Variants in VWC2 observed in about 807,000 individuals in gnomAD.
The protein encoded by VWC2 is brorin.
In VWC2, 14 loss-of-function variants were observed where a neutral mutation model predicts 29.8. The observed-to-expected ratio is 0.47, with a 90% CI of 0.31 to 0.74. The LOEUF (loss-of-function observed/expected upper bound fraction) is 0.74, where lower values mean the gene tolerates loss of function less well. Ranked by LOEUF, VWC2 falls within the 30% of genes least tolerant of loss-of-function variation. The pLI is 0.05. For synonymous variants in VWC2, 213 were observed against 199.0 expected (o/e 1.07, Z -0.59); for missense variants, 457 against 459.8 (o/e 0.99, Z 0.05).
intron 3 of VWC2, among the ~76,000 whole-genome samples, chr7:49,895,606 T>G (rs1166306534): frequency 6.6e-6 from 1 of 152,208 alleles, no homozygotes; most frequent in African/African-American, 2.4e-5. Context: ...AACCAGAGCA[T>G]CCTTTAACTG....
intron 3 of VWC2, among the ~76,000 whole-genome samples, chr7:49,900,321 C>A (rs1792646898): frequency 6.6e-6 from 1 of 151,310 alleles, no homozygotes; most frequent in Admixed American, 6.6e-5. Flanking sequence ...ATAAATGGAG[C>A]AGTAATCTAT....
At chr7:49,844,197 G>A (rs561589903) in intron 3 of VWC2, among the ~76,000 whole-genome samples, 32 of 152,318 alleles carry the variant, frequency 2.1e-4, no homozygotes, top group African/African-American at 5.1e-4. Flanking sequence ...CAGAGTGGAC[G>A]TCATGCATGC....
At position 49,916,493 on chromosome 7, in the gene VWC2, ATAG is replaced by A. The variant is rs1226790636; in HGVS notation, c.*4311_*4313del. 2.0e-5 allele frequency: 3 copies of A among 152,182 alleles called. No homozygotes were observed. The highest frequency in any genetic ancestry group is 2.9e-5 in the Non-Finnish European group (2 of 68,034). 9.4% of individuals were successfully genotyped at this position (152,182 alleles called of 1,614,324 possible). ...AGAATTGTCACTCTATGTCCCAGTA[ATAG>A]TACTAATTTGGTTTCTTATTTTAAC... On this transcript the variant is annotated 3_prime_UTR_variant, in exon 4 of 4. Coordinates refer to ENST00000340652, the MANE Select transcript of VWC2 (RefSeq NM_198570.5).
chr7:49,835,717 T>C (rs1789641158), intron 3 of VWC2, among the ~76,000 whole-genome samples: 1 of 152,224 alleles, frequency 6.6e-6, no homozygotes, highest in Non-Finnish European at 1.5e-5. Context: ...CCACGTGCAC[T>C]TTAGGGTTTG....
chr7:49,810,419 A>T (rs754639519), intron 3 of VWC2, among the ~76,000 whole-genome samples: 43 of 152,260 alleles, frequency 2.8e-4, no homozygotes, highest in African/African-American at 1.0e-3. Flanking sequence ...GAGACATTTC[A>T]TGAGTAGAAG....
intron 2 of VWC2, among the ~76,000 whole-genome samples, chr7:49,788,854 G>A (rs1432587897): frequency 6.8e-6 from 1 of 146,330 alleles, no homozygotes; most frequent in Non-Finnish European, 1.5e-5. Flanking sequence ...GTGAGCATGT[G>A]TGTGAGCGTG....
chr7:49,847,432 C>A (rs145336929), intron 3 of VWC2, among the ~76,000 whole-genome samples: 1 of 152,012 alleles, frequency 6.6e-6, no homozygotes, highest in Non-Finnish European at 1.5e-5. Flanking sequence ...CAGAGCCTTG[C>A]AGGGATCCCT....
intron 3 of VWC2, among the ~76,000 whole-genome samples, chr7:49,815,838 C>T (rs935002051): frequency 6.6e-6 from 1 of 152,166 alleles, no homozygotes; most frequent in African/African-American, 2.4e-5. Context: ...CAAAGTCCTT[C>T]ATTAATTCAT....
intron 3 of VWC2, among the ~76,000 whole-genome samples, chr7:49,860,549 T>C (rs1451183627): frequency 6.6e-6 from 1 of 152,254 alleles, no homozygotes; most frequent in Non-Finnish European, 1.5e-5. Flanking sequence ...CTGTGAATAA[T>C]GCTGCAGTGA....
At chr7:49,896,486 A>G (rs973257183) in intron 3 of VWC2, among the ~76,000 whole-genome samples, 1 of 152,202 alleles carries the variant, frequency 6.6e-6, no homozygotes, top group Non-Finnish European at 1.5e-5. Context: ...AAGAAACTTG[A>G]AAAAGCAAAG....
intron 3 of VWC2, among the ~76,000 whole-genome samples, chr7:49,892,031 ATTTTTTTTTTTTTTTTTT>A (rs536880676): frequency 7.5e-5 from 4 of 53,204 alleles, no homozygotes; most frequent in East Asian, 6.8e-4. Context: ...GACAAAGTAG[ATTTTTTTTTTTTTTTTTT>A]TTTTTTTTTT....
chr7:49,834,705 G>A (rs575587832), intron 3 of VWC2, among the ~76,000 whole-genome samples: 3 of 152,332 alleles, frequency 2.0e-5, no homozygotes, highest in Admixed American at 2.0e-4. Context: ...TAGAAATCAA[G>A]TAAGAAGCAA....
chr7:49,851,730 C>T (rs751211839), intron 3 of VWC2, among the ~76,000 whole-genome samples: 13 of 152,222 alleles, frequency 8.5e-5, no homozygotes, highest in Non-Finnish European at 1.6e-4. Flanking sequence ...TGCTGGCACA[C>T]GCCTATAATC....
chr7:49,859,578 A>G (rs1790563860), intron 3 of VWC2, among the ~76,000 whole-genome samples: 1 of 152,190 alleles, frequency 6.6e-6, no homozygotes. Flanking sequence ...CTACTTTTAC[A>G]TATGTGTGCA....
intron 3 of VWC2, among the ~76,000 whole-genome samples, chr7:49,823,571 C>G (rs918002235): frequency 6.6e-6 from 1 of 152,096 alleles, no homozygotes; most frequent in Non-Finnish European, 1.5e-5. Flanking sequence ...ATTCCTGGGC[C>G]GTAAATATCC....
chr7:49,904,039 C>T (rs1293813421), intron 3 of VWC2, among the ~76,000 whole-genome samples: 1 of 152,172 alleles, frequency 6.6e-6, no homozygotes, highest in Non-Finnish European at 1.5e-5. Context: ...GAACTCTCCC[C>T]TTGGTGGTTG....
intron 3 of VWC2, among the ~76,000 whole-genome samples, chr7:49,885,447 T>C (rs1436532360): frequency 1.3e-5 from 2 of 151,658 alleles, no homozygotes; most frequent in Non-Finnish European, 3.0e-5. Context: ...ATTGCACTTA[T>C]TGATACAGAT....
intron 3 of VWC2, among the ~76,000 whole-genome samples, chr7:49,911,386 G>A (rs563000890): frequency 6.0e-5 from 9 of 149,528 alleles, no homozygotes; most frequent in Admixed American, 2.0e-4. Flanking sequence ...GGAGGCTGCG[G>A]CAGGAGAATC....
chr7:49,798,811 T>A (rs1788662151), intron 2 of VWC2, among the ~76,000 whole-genome samples: 3 of 152,210 alleles, frequency 2.0e-5, no homozygotes, highest in Admixed American at 2.0e-4. Context: ...TTTGCTACTT[T>A]AACAACATTC....
Sources: allele counts gnomAD v4.1 joint callset (sites outside exome capture counted in the v4.1 genomes callset), GRCh38; gene constraint gnomAD v4.1.1; transcripts MANE v1.5; gene names NCBI Gene and HGNC (gene_info 2026-07-23, HGNC 2026-07-21).